The following SYNE3 variants were observed in gnomAD, a reference collection of about 807,000 sequenced individuals.
SYNE3 encodes nesprin-3.
In SYNE3, 100 loss-of-function variants were observed where a neutral mutation model predicts 111.2. The observed-to-expected ratio is 0.90, with a 90% CI of 0.77 to 1.06. The LOEUF (loss-of-function observed/expected upper bound fraction) is 1.06. Ranked by LOEUF, SYNE3 falls within the 50% of genes least tolerant of loss-of-function variation. SYNE3 has a pLI of 0.00. For synonymous variants in SYNE3, 547 were observed against 533.9 expected (o/e 1.02, Z -0.34); for missense variants, 1,160 against 1,240.3 (o/e 0.94, Z 0.97).
chr14:95,417,928 G>C lies in SYNE3; in HGVS notation c.2826C>G (p.Phe942Leu), dbSNP rs766579567. Reference protein sequence around the residue: ...LLLLLFLLLLFLLPIREEDRS... With the variant: ...LLLLLFLLLLLLLPIREEDRS... ...GGTCCTCTTCCCTGATTGGGAGCAG[G>C]AACAGCAGGAGGAGGAACAGCAGCA... Residue 942 changes from phenylalanine (F) to leucine (L), a missense_variant, in exon 18 of 18, where the codon TTC (phenylalanine) becomes TTG (leucine). Coordinates refer to ENST00000682763, the MANE Select transcript of SYNE3 (RefSeq NM_152592.6). The C allele has an allele frequency of 6.2e-7, 1 of 1,614,114 alleles. No individual in the cohort carries two copies. The highest frequency in any genetic ancestry group is 8.5e-7 in the Non-Finnish European group (1 of 1,180,034).
intron 1 of SYNE3, among the ~76,000 whole-genome samples, chr14:95,488,596 G>T (rs2139561558): frequency 6.6e-6 from 1 of 151,618 alleles, no homozygotes; most frequent in East Asian, 1.9e-4. Context: ...GGGAGGCCAA[G>T]GTGAGAGGAT....
At position 95,416,317 on chromosome 14, in the gene SYNE3, C is replaced by A. The variant is rs72692737; in HGVS notation, c.*1509G>T. On this transcript the variant is annotated 3_prime_UTR_variant, in exon 18 of 18. Transcript: ENST00000682763. ...CTCAGTTTCCCCTCTACTTAAAGGG[C>A]CTTTCTGGGTCTATAATACCTTATG... 2 of 152,200 alleles carry A rather than the reference C, an allele frequency of 1.3e-5. No individual in the cohort carries two copies. The highest frequency in any genetic ancestry group is 2.9e-5 in the Non-Finnish European group (2 of 68,038). 9.4% of individuals were successfully genotyped at this position (152,200 alleles called of 1,614,324 possible).
In SYNE3 at chr14:95,481,103, C is replaced by T. The variant is rs189357904; in HGVS notation, c.-14-5268G>A. ...GTAATAGGTGCGTGGGGCACAGGAG[C>T]GGCTGTTACCTTCCACAACCCTAGA... is the stretch of plus-strand genomic sequence containing the variant. On this transcript the variant is annotated intron_variant, in intron 1 of 17. Coordinates refer to ENST00000682763, the MANE Select transcript of SYNE3 (RefSeq NM_152592.6). 1.8e-4 allele frequency among the ~76,000 whole-genome samples: 28 copies of T among 152,320 alleles called. 1 individual carries two copies. The East Asian group carries it at 3.7e-3, about 20-fold the overall frequency.
At chr14:95,497,417 T>A (rs923634321) in intron 1 of SYNE3, among the ~76,000 whole-genome samples, 3 of 149,838 alleles carry the variant, frequency 2.0e-5, no homozygotes, top group Non-Finnish European at 4.4e-5. Context: ...AACAAATAAA[T>A]AATAAATTTG....
intron 14 of SYNE3, 80 bp downstream of exon 14, chr14:95,438,953 G>A (rs1796678655): frequency 1.3e-6 from 2 of 1,572,452 alleles, no homozygotes; most frequent in East Asian, 2.3e-5. Context: ...AGACAGGGAG[G>A]GGCCTGTGCT....
At chr14:95,437,077 G>A in intron 14 of SYNE3, 96 bp from the exon 15 acceptor site, 1 of 1,505,892 alleles carries the variant, frequency 6.6e-7, no homozygotes, top group Non-Finnish European at 9.0e-7. Flanking sequence ...GCAGGGACCA[G>A]GACAAGATGC....
At chr14:95,472,829 G>A (rs924507643) in intron 2 of SYNE3, among the ~76,000 whole-genome samples, 1 of 152,194 alleles carries the variant, frequency 6.6e-6, no homozygotes, top group Non-Finnish European at 1.5e-5. Flanking sequence ...AACACAAGGG[G>A]TGAGGGGGTT....
chr14:95,445,992 C>T lies in SYNE3; in HGVS notation c.1549G>A (p.Ala517Thr). The change falls in exon 9 of 18, where the codon GCA (alanine) becomes ACA (threonine). Residue 517 changes from alanine (A) to threonine (T), a missense_variant. Coordinates refer to ENST00000682763, the MANE Select transcript of SYNE3 (RefSeq NM_152592.6). The stretch of plus-strand genomic sequence containing the variant: ...GAACCTGCCACCTGCTCCAGGAGTG[C>T]CGTGGCTCTCTCCTGGCCAAAGATG... ...IGIFGQERATALLEQVAGSMR... is the reference protein window; with the variant it reads ...IGIFGQERATTLLEQVAGSMR... 1 of 1,614,116 alleles carries T rather than the reference C, an allele frequency of 6.2e-7. No homozygotes were observed. The highest frequency in any genetic ancestry group is 1.1e-5 in the South Asian group (1 of 91,082).
At chr14:95,458,190 T>G (rs1887583767) in intron 4 of SYNE3, among the ~76,000 whole-genome samples, 1 of 152,170 alleles carries the variant, frequency 6.6e-6, no homozygotes. Flanking sequence ...TATCCCGTCA[T>G]GGCTCCCCAC....
At chr14:95,438,534 A>G (rs1003798993) in intron 14 of SYNE3, 5 of 165,082 alleles carry the variant, frequency 3.0e-5, no homozygotes, top group African/African-American at 1.2e-4. Context: ...CAGCAAATGG[A>G]GGAGTGGATG....
chr14:95,482,444 T>C (rs1889318524), intron 1 of SYNE3, among the ~76,000 whole-genome samples: 2 of 152,096 alleles, frequency 1.3e-5, no homozygotes, highest in African/African-American at 4.8e-5. Context: ...AATAAATTAA[T>C]TAATTAATAT....
intron 1 of SYNE3, among the ~76,000 whole-genome samples, chr14:95,513,503 C>T (rs1439721915): frequency 2.0e-5 from 3 of 151,932 alleles, no homozygotes; most frequent in East Asian, 3.9e-4. Flanking sequence ...AAGCATCATC[C>T]CCAGTTACCT....
At position 95,470,507 on chromosome 14, in the gene SYNE3, C is replaced by G. The variant is rs890365296; in HGVS notation, c.145-2540G>C. On this transcript the variant is annotated intron_variant, in intron 2 of 17. Coordinates refer to ENST00000682763, the MANE Select transcript of SYNE3 (RefSeq NM_152592.6). The surrounding 1 kb of genome is among the most constrained non-coding windows in gnomAD (Gnocchi z 4.2). ...TAATTAAAAAAAAAAAAAAACTAGCCAGGCACAGTGGCATATGCCTGTAGT... is the reference window on the plus strand; with the variant it reads ...TAATTAAAAAAAAAAAAAAACTAGCGAGGCACAGTGGCATATGCCTGTAGT... Among the ~76,000 whole-genome samples the G allele has an allele frequency of 6.6e-6, 1 of 151,568 alleles. No homozygotes were observed. The highest frequency in any genetic ancestry group is 1.5e-5 in the Non-Finnish European group (1 of 67,932).
At chr14:95,487,483 G>A (rs761354217) in intron 1 of SYNE3, among the ~76,000 whole-genome samples, 1 of 152,140 alleles carries the variant, frequency 6.6e-6, no homozygotes, top group Non-Finnish European at 1.5e-5. Flanking sequence ...CTGAGGAGGG[G>A]TTTGTCATGT....
intron 6 of SYNE3, 145 bp downstream of exon 6, chr14:95,455,228 TCAGG>T: frequency 1.7e-6 from 1 of 604,016 alleles, no homozygotes; most frequent in Non-Finnish European, 2.6e-6. Context: ...TACTCCCCGC[TCAGG>T]GAGCTGAGAT....
chr14:95,516,388 A>G (rs1890930969), intron 1 of SYNE3, among the ~76,000 whole-genome samples: 2 of 152,080 alleles, frequency 1.3e-5, no homozygotes. Flanking sequence ...GGTTGGATTT[A>G]AACTAAAAAT....
At chr14:95,448,927 T>A (rs1003010336) in intron 8 of SYNE3, among the ~76,000 whole-genome samples, 5 of 152,226 alleles carry the variant, frequency 3.3e-5, no homozygotes, top group African/African-American at 1.2e-4. Context: ...GGGAGCTTTT[T>A]GTTTTCTTCT....
chr14:95,423,795 G>A (rs1249467678), intron 17 of SYNE3, among the ~76,000 whole-genome samples: 14 of 129,572 alleles, frequency 1.1e-4, no homozygotes, highest in African/African-American at 4.1e-4. Context: ...ATGGGGATGG[G>A]GATTTGATGG....
At chr14:95,511,557 A>C (rs1890721695) in intron 1 of SYNE3, among the ~76,000 whole-genome samples, 1 of 151,836 alleles carries the variant, frequency 6.6e-6, no homozygotes, top group African/African-American at 2.4e-5. Context: ...AAAAATAATA[A>C]TAATAAAATT....
Sources: allele counts gnomAD v4.1 joint callset (sites outside exome capture counted in the v4.1 genomes callset), GRCh38; gene constraint gnomAD v4.1.1; non-coding constraint Gnocchi (gnomAD v3.1); transcripts MANE v1.5; gene names NCBI Gene and HGNC (gene_info 2026-07-23, HGNC 2026-07-21).